SDCCAG8: variants seen among roughly 807,000 people sequenced by gnomAD.
SDCCAG8 encodes the protein serologically defined colon cancer antigen 8.
In SDCCAG8, 74 loss-of-function variants were observed where a neutral mutation model predicts 101.8. The observed-to-expected ratio is 0.73, with a 90% CI of 0.60 to 0.88. SDCCAG8 has a LOEUF of 0.88. SDCCAG8 is among the 40% of genes least tolerant of loss of function. The pLI is 0.00. For missense variants in SDCCAG8, 787 were observed against 822.6 expected (o/e 0.96, Z 0.53); for synonymous variants, 281 against 292.9 (o/e 0.96, Z 0.41).
At chr1:243,424,740 C>T (rs1297883372) in intron 15 of SDCCAG8, among the ~76,000 whole-genome samples, 2 of 152,028 alleles carry the variant, frequency 1.3e-5, no homozygotes, top group East Asian at 3.8e-4. Flanking sequence ...TGAATACTCT[C>T]ACACAAACCT....
At chr1:243,437,390 G>A (rs1206237772) in intron 16 of SDCCAG8, among the ~76,000 whole-genome samples, 1 of 152,106 alleles carries the variant, frequency 6.6e-6, no homozygotes, top group Non-Finnish European at 1.5e-5. Flanking sequence ...TCATACAGGT[G>A]TAATAGACTA....
At chr1:243,459,590 A>C (rs1359444050) in intron 16 of SDCCAG8, among the ~76,000 whole-genome samples, 3 of 152,186 alleles carry the variant, frequency 2.0e-5, no homozygotes, top group Admixed American at 6.6e-5. Flanking sequence ...GGTGATACTA[A>C]AATATTTAGA....
At chr1:243,388,079 A>C (rs2078431271) in intron 13 of SDCCAG8, among the ~76,000 whole-genome samples, 1 of 152,128 alleles carries the variant, frequency 6.6e-6, no homozygotes, top group African/African-American at 2.4e-5. Flanking sequence ...ACGAGTCAGG[A>C]CTTTTTGGGT....
At chr1:243,498,590 C>A (rs779870768) in intron 17 of SDCCAG8, among the ~76,000 whole-genome samples, 2 of 152,256 alleles carry the variant, frequency 1.3e-5, no homozygotes, top group Non-Finnish European at 2.9e-5. Flanking sequence ...CAGGGTCTCT[C>A]ACACACTGGG....
At chr1:243,299,680 C>T (rs2071304439) in intron 6 of SDCCAG8, among the ~76,000 whole-genome samples, 1 of 152,146 alleles carries the variant, frequency 6.6e-6, no homozygotes, top group African/African-American at 2.4e-5. Flanking sequence ...TCCCACAGTG[C>T]TGGGATTACA....
At chr1:243,270,869 T>G (rs2068025212) in intron 2 of SDCCAG8, 109 bp from the exon 3 acceptor site, 1 of 792,344 alleles carries the variant, frequency 1.3e-6, no homozygotes, top group East Asian at 2.5e-5. Flanking sequence ...ATAGCAGAAT[T>G]CTTGATGCAT....
rs143188848 is a variant in SDCCAG8, at chr1:243,466,850, C to T, written c.1986-22164C>T. Among the ~76,000 whole-genome samples, 68 of 152,308 alleles carry T rather than the reference C, an allele frequency of 4.5e-4. 2 individuals are homozygous for T. Among genetic ancestry groups the T allele is most frequent in the African/African-American group, 1.5e-3 (62 of 41,566 alleles). On this transcript the variant is annotated intron_variant, in intron 16 of 17. Coordinates refer to ENST00000366541, the MANE Select transcript of SDCCAG8 (RefSeq NM_006642.5). ...GAATATGACAATACTTCTGTTTTTG[C>T]GGTACAACCCGGGACTATTGCAGCC...
intron 3 of SDCCAG8, among the ~76,000 whole-genome samples, chr1:243,272,635 G>T (rs555459401): frequency 6.6e-6 from 1 of 152,198 alleles, no homozygotes; most frequent in Admixed American, 6.5e-5. Flanking sequence ...ATCCAGACAG[G>T]CAGGAAGACC....
intron 12 of SDCCAG8, among the ~76,000 whole-genome samples, chr1:243,349,166 G>A (rs1326516954): frequency 1.3e-5 from 2 of 152,154 alleles, no homozygotes; most frequent in East Asian, 3.8e-4. Context: ...AGGGGGATGG[G>A]CAAATGGAGA....
chr1:243,297,434 G>A (rs893102891), intron 6 of SDCCAG8, among the ~76,000 whole-genome samples: 2 of 152,214 alleles, frequency 1.3e-5, no homozygotes, highest in Non-Finnish European at 2.9e-5. Flanking sequence ...CGTTGCATAT[G>A]TATGTTGGAG....
intron 1 of SDCCAG8, among the ~76,000 whole-genome samples, chr1:243,265,868 C>T (rs566544828): frequency 2.6e-5 from 4 of 151,540 alleles, no homozygotes; most frequent in Non-Finnish European, 5.9e-5. Flanking sequence ...ACTCTGCCTA[C>T]AGAGGCTTTT....
At chr1:243,499,588 G>A (rs993496515) in intron 17 of SDCCAG8, 168 bp from the exon 18 acceptor site, 9 of 673,696 alleles carry the variant, frequency 1.3e-5, no homozygotes, top group African/African-American at 8.9e-5. Flanking sequence ...GCTTTGATGT[G>A]GACAAGATGA....
At chr1:243,302,261 AC>A (rs1241370508) in intron 6 of SDCCAG8, among the ~76,000 whole-genome samples, 2 of 152,146 alleles carry the variant, frequency 1.3e-5, no homozygotes, top group African/African-American at 4.8e-5. Flanking sequence ...ACAAAACAAA[AC>A]AAAAAAAAGG....
chr1:243,393,402 G>A (rs571680567), intron 13 of SDCCAG8, among the ~76,000 whole-genome samples: 20 of 152,122 alleles, frequency 1.3e-4, no homozygotes, highest in African/African-American at 4.1e-4. Context: ...GGGAGTCTGC[G>A]GGGTAGCCGA....
intron 10 of SDCCAG8, among the ~76,000 whole-genome samples, chr1:243,334,419 A>C (rs1180322385): frequency 6.6e-6 from 1 of 151,920 alleles, no homozygotes; most frequent in Non-Finnish European, 1.5e-5. Flanking sequence ...ATGTTCCTTC[A>C]TTTTTCTTCT....
intron 13 of SDCCAG8, among the ~76,000 whole-genome samples, chr1:243,394,105 G>T (rs2078891434): frequency 6.6e-6 from 1 of 152,144 alleles, no homozygotes; most frequent in Non-Finnish European, 1.5e-5. Context: ...CTTTAACAAA[G>T]AAATCCAGAT....
intron 13 of SDCCAG8, among the ~76,000 whole-genome samples, chr1:243,390,417 A>C (rs949067435): frequency 6.6e-6 from 1 of 152,158 alleles, no homozygotes; most frequent in African/African-American, 2.4e-5. Context: ...AAGGCATTTC[A>C]TTTTGCTCTG....
intron 16 of SDCCAG8, among the ~76,000 whole-genome samples, chr1:243,471,615 G>C (rs557615223): frequency 1.2e-4 from 19 of 152,218 alleles, no homozygotes; most frequent in South Asian, 1.0e-3. Context: ...TCAGGGGTTG[G>C]GGGGTGGAGG....
At chr1:243,328,540 G>A (rs897278201) in intron 9 of SDCCAG8, among the ~76,000 whole-genome samples, 2 of 151,962 alleles carry the variant, frequency 1.3e-5, no homozygotes, top group African/African-American at 4.9e-5. Context: ...GCCTTCCAAA[G>A]TGCTGGGATT....
Sources: allele counts gnomAD v4.1 joint callset (sites outside exome capture counted in the v4.1 genomes callset), GRCh38; gene constraint gnomAD v4.1.1; transcripts MANE v1.5; gene names NCBI Gene and HGNC (gene_info 2026-07-23, HGNC 2026-07-21).